Variants in GMDS observed in about 807,000 individuals in gnomAD.
The protein encoded by GMDS is GDP-mannose 4,6 dehydratase.
A neutral mutation model predicts 49.9 loss-of-function variants in GMDS; 20 were observed. That is an observed-to-expected ratio of 0.40 (90% CI 0.28 to 0.58). GMDS has a LOEUF of 0.58. Among genes scored for constraint, GMDS ranks in the 20% least tolerant of loss-of-function variants. The pLI is 0.42. For missense variants in GMDS, 362 were observed against 481.4 expected (o/e 0.75, Z 2.32); for synonymous variants, 177 against 178.6 (o/e 0.99, Z 0.07).
At chr6:1,938,805 T>C (rs1429146860) in intron 6 of GMDS, among the ~76,000 whole-genome samples, 1 of 152,106 alleles carries the variant, frequency 6.6e-6, no homozygotes, top group African/African-American at 2.4e-5. Context: ...TCTACTCTCT[T>C]AATTTCTTTT....
At chr6:1,830,976 G>T (rs1223975599) in intron 7 of GMDS, among the ~76,000 whole-genome samples, 2 of 152,176 alleles carry the variant, frequency 1.3e-5, no homozygotes, top group Non-Finnish European at 2.9e-5. Flanking sequence ...ATTTTTAAAT[G>T]GTTCTTCAAA....
chr6:1,656,253 C>T (rs9392317), intron 9 of GMDS, among the ~76,000 whole-genome samples: 138,980 of 152,280 alleles, frequency 0.91, 63,534 homozygotes, highest in Non-Finnish European at 0.94. Flanking sequence ...CTCCTGGCCC[C>T]GGTGTTTGAG....
chr6:2,042,127 G>T (rs1406074963), intron 4 of GMDS, among the ~76,000 whole-genome samples: 3 of 152,292 alleles, frequency 2.0e-5, no homozygotes, highest in East Asian at 3.9e-4. Context: ...TTTAGAAAAG[G>T]CAGTAAAGAA....
chr6:1,893,021 C>G (rs757309155), intron 7 of GMDS, among the ~76,000 whole-genome samples: 1 of 152,096 alleles, frequency 6.6e-6, no homozygotes, highest in Non-Finnish European at 1.5e-5. Flanking sequence ...AGAGAAGTCC[C>G]AAAGAGGGCA....
Position 1,962,715 on chromosome 6 carries a change from A to G in GMDS, c.346-1749T>C, listed in dbSNP as rs556765479. ...AAATGTGTATTTGAATCCGTTAGCC[A>G]TTTTTAAATTGGGTCATTTGTTGAG... On this transcript the variant is annotated intron_variant, in intron 4 of 10. Transcript: ENST00000380815. 1.6e-4 allele frequency among the ~76,000 whole-genome samples: 25 copies of G among 152,074 alleles called. 1 individual carries two copies. The South Asian group carries it at 1.7e-3, about 10-fold the overall frequency.
intron 8 of GMDS, among the ~76,000 whole-genome samples, chr6:1,738,027 CACACCA>C (rs1767100398): frequency 1.7e-4 from 2 of 11,614 alleles, no homozygotes; most frequent in African/African-American, 6.1e-4. Flanking sequence ...CACACATACA[CACACCA>C]CACACACACA....
At position 2,176,510 on chromosome 6, in the gene GMDS, C is replaced by T. The variant is rs150409424; in HGVS notation, c.103-51779G>A. 7.7e-3 allele frequency among the ~76,000 whole-genome samples: 1,169 copies of T among 152,142 alleles called. 30 individuals carry two copies. The highest frequency in any genetic ancestry group is 0.069 in the South Asian group (332 of 4,814). On this transcript the variant is annotated intron_variant, in intron 1 of 10. Transcript: ENST00000380815. ...AAACCAACTTAACTTGGAGGAAATT[C>T]GGGGTTGGGTGGGAATAAACCAGGA...
intron 1 of GMDS, among the ~76,000 whole-genome samples, chr6:2,243,431 T>G (rs1190326962): frequency 6.6e-6 from 1 of 152,202 alleles, no homozygotes; most frequent in African/African-American, 2.4e-5. Flanking sequence ...AGTTAAGATG[T>G]TAATCTTAAC....
chr6:2,104,867 T>C (rs1774131482), intron 4 of GMDS, among the ~76,000 whole-genome samples: 1 of 152,142 alleles, frequency 6.6e-6, no homozygotes, highest in Non-Finnish European at 1.5e-5. Context: ...CTAAATATCT[T>C]GCCAAATGAT....
At chr6:1,808,584 T>G (rs1261907051) in intron 7 of GMDS, among the ~76,000 whole-genome samples, 1 of 152,314 alleles carries the variant, frequency 6.6e-6, no homozygotes, top group Middle Eastern at 3.4e-3. Flanking sequence ...TTTCATACAG[T>G]TTAGTACAGA....
At chr6:2,124,867 C>A (rs748116383) in intron 1 of GMDS, 136 bp from the exon 2 acceptor site, 5 of 665,808 alleles carry the variant, frequency 7.5e-6, no homozygotes, top group South Asian at 3.5e-5. Flanking sequence ...AAAAATAACA[C>A]CAATAATGTC....
intron 7 of GMDS, among the ~76,000 whole-genome samples, chr6:1,924,687 C>G (rs1761903602): frequency 6.6e-6 from 1 of 152,170 alleles, no homozygotes; most frequent in Non-Finnish European, 1.5e-5. Flanking sequence ...GTTGAATGAA[C>G]AGTGCCACCC....
chr6:2,102,961 G>A (rs1774010935), intron 4 of GMDS, among the ~76,000 whole-genome samples: 1 of 152,192 alleles, frequency 6.6e-6, no homozygotes, highest in South Asian at 2.1e-4. Context: ...GATAATATCT[G>A]TGCATACAAA....
At chr6:2,067,680 T>C (rs1771700120) in intron 4 of GMDS, among the ~76,000 whole-genome samples, 1 of 151,986 alleles carries the variant, frequency 6.6e-6, no homozygotes, top group African/African-American at 2.4e-5. Context: ...ACAGATAAAT[T>C]CCTCGACACA....
At chr6:2,240,024 G>A (rs1482059349) in intron 1 of GMDS, among the ~76,000 whole-genome samples, 3 of 152,082 alleles carry the variant, frequency 2.0e-5, no homozygotes, top group East Asian at 3.9e-4. Flanking sequence ...TTTTATCCCA[G>A]GACTGCAAAT....
At chr6:2,230,500 C>T (rs1017209313) in intron 1 of GMDS, among the ~76,000 whole-genome samples, 9 of 152,150 alleles carry the variant, frequency 5.9e-5, no homozygotes, top group Admixed American at 2.6e-4. Flanking sequence ...AGATAAAATA[C>T]TTCCTTGTTT....
intron 9 of GMDS, among the ~76,000 whole-genome samples, chr6:1,671,688 C>T (rs1184411484): frequency 1.5e-5 from 2 of 129,432 alleles, no homozygotes; most frequent in Non-Finnish European, 1.6e-5. Flanking sequence ...TTTTTTGAGA[C>T]GGAATCTCAC....
intron 9 of GMDS, among the ~76,000 whole-genome samples, chr6:1,714,687 G>T (rs912807164): frequency 8.5e-4 from 130 of 152,316 alleles, no homozygotes; most frequent in African/African-American, 3.0e-3. Flanking sequence ...GCTGACAATG[G>T]GGCATTTCTT....
intron 4 of GMDS, among the ~76,000 whole-genome samples, chr6:2,057,415 AT>A (rs575806486): frequency 3.3e-5 from 5 of 152,292 alleles, no homozygotes; most frequent in African/African-American, 1.2e-4. Context: ...GTACACACAT[AT>A]TTTTTAATAG....
Sources: allele counts gnomAD v4.1 joint callset (sites outside exome capture counted in the v4.1 genomes callset), GRCh38; gene constraint gnomAD v4.1.1; transcripts MANE v1.5; gene names NCBI Gene and HGNC (gene_info 2026-07-23, HGNC 2026-07-21).